CCND3: variants seen among roughly 807,000 people sequenced by gnomAD.
The protein encoded by CCND3 is G1/S-specific cyclin-D3.
A neutral mutation model predicts 28.7 loss-of-function variants in CCND3; 9 were observed. That is an observed-to-expected ratio of 0.31 (90% CI 0.19 to 0.55). The LOEUF (loss-of-function observed/expected upper bound fraction) is 0.55. Ranked by LOEUF, CCND3 falls within the 20% of genes least tolerant of loss-of-function variation. The probability of loss-of-function intolerance (pLI) is 0.93; values close to 1 mark genes in which losing one functional copy is unlikely to be tolerated. For synonymous variants in CCND3, 164 were observed against 163.9 expected (o/e 1.00, Z 0.00); for missense variants, 315 against 385.8 (o/e 0.82, Z 1.54).
intron 1 of CCND3, among the ~76,000 whole-genome samples, chr6:42,003,525 CAAAA>C (rs61494473): frequency 2.5e-4 from 18 of 73,446 alleles, no homozygotes; most frequent in East Asian, 7.9e-4. Flanking sequence ...GACTCTGTCT[CAAAA>C]AAAAAAAAAA....
chr6:42,006,005 A>T (rs12210079), intron 1 of CCND3, among the ~76,000 whole-genome samples: 43,253 of 150,092 alleles, frequency 0.29, 6,355 homozygotes, highest in African/African-American at 0.35. Context: ...CTACACAAAA[A>T]ATTTTTTTTT....
intron 1 of CCND3, among the ~76,000 whole-genome samples, chr6:42,040,684 T>C (rs193057236): frequency 7.2e-5 from 11 of 151,924 alleles, no homozygotes; most frequent in African/African-American, 2.7e-4. Context: ...AAACCCAGTC[T>C]CTACTGAAAA....
At chr6:41,964,280 ATGTG>A (rs34167767) in intron 1 of CCND3, among the ~76,000 whole-genome samples, 1 of 151,362 alleles carries the variant, frequency 6.6e-6, no homozygotes, top group Admixed American at 6.6e-5. Context: ...CAGCGTGTGT[ATGTG>A]TGTGTGTGTG....
chr6:41,941,644 C>G lies in CCND3; in HGVS notation c.6G>C (p.Glu2Asp). The change falls in exon 1 of 5, where the codon GAG becomes GAC. Residue 2 changes from glutamate (E) to aspartate (D), a missense_variant. Glu to Asp is a conservative substitution (Grantham distance 45). Coordinates refer to ENST00000372991, the MANE Select transcript of CCND3 (RefSeq NM_001760.5). The surrounding 1 kb of genome is among the most constrained non-coding windows in gnomAD (Gnocchi z 6.1). Reference sequence around the variant, plus strand: ...GCCGGGTGCCTTCGCAACACAGCAGCTCCATACTCGGGCAGCGAACAGGCA... The same window carrying G: ...GCCGGGTGCCTTCGCAACACAGCAGGTCCATACTCGGGCAGCGAACAGGCA... M[E>D]LLCCEGTRHA... The G allele has an allele frequency of 2.1e-6, 3 of 1,460,078 alleles. No homozygotes were observed. The highest frequency in any genetic ancestry group is 2.4e-4 in the Middle Eastern group (1 of 4,094). The allele number at this position is 1,460,078 out of a possible 1,614,324, so 90.4% of individuals were successfully genotyped here.
chr6:41,951,560 A>C (rs1776313490), intron 1 of CCND3, among the ~76,000 whole-genome samples: 1 of 83,076 alleles, frequency 1.2e-5, no homozygotes. Context: ...ACACACACAC[A>C]CACACACACA....
intron 1 of CCND3, among the ~76,000 whole-genome samples, chr6:42,004,355 AGAT>A (rs1763117919): frequency 6.6e-6 from 1 of 152,216 alleles, no homozygotes; most frequent in Non-Finnish European, 1.5e-5. Context: ...CAGACAAATT[AGAT>A]GATATTATAG....
At chr6:42,049,354 TAC>T (rs1348085860), upstream of CCND3, among the ~76,000 whole-genome samples, 1 of 152,162 alleles carries the variant, frequency 6.6e-6, no homozygotes. Context: ...TGACTCTTAC[TAC>T]ACGTCAGGCA....
Position 41,941,641 on chromosome 6 carries a change from C to T in CCND3, c.9G>A (p.Leu3=), listed in dbSNP as rs1284934912. The change falls in exon 1 of 5, where the codon CTG becomes CTA. Residue 3 remains leucine, a synonymous_variant. Transcript: ENST00000372991. This position sits in a 1 kb window ranked among gnomAD's most constrained non-coding sequence, Gnocchi z 6.1. ...CGTGCCGGGTGCCTTCGCAACACAGCAGCTCCATACTCGGGCAGCGAACAG... is the reference window on the plus strand; with the variant it reads ...CGTGCCGGGTGCCTTCGCAACACAGTAGCTCCATACTCGGGCAGCGAACAG... ME[L]LCCEGTRHAP... 6.8e-7 allele frequency: 1 copy of T among 1,466,640 alleles called. No individual in the cohort carries two copies. Among genetic ancestry groups the T allele is most frequent in the East Asian group, 2.8e-5 (1 of 35,938 alleles). 90.9% of individuals were successfully genotyped at this position (1,466,640 alleles called of 1,614,324 possible). A position where few individuals can be genotyped will look rare whatever the true frequency, so the allele number is the denominator to read the frequency against.
upstream of CCND3, among the ~76,000 whole-genome samples, chr6:41,944,995 CTCTTGTTTT>C (rs1246077009): frequency 6.6e-6 from 1 of 152,176 alleles, no homozygotes; most frequent in Non-Finnish European, 1.5e-5. Flanking sequence ...ATAGAGGCTC[CTCTTGTTTT>C]TCTTGTTTTT....
intron 1 of CCND3, among the ~76,000 whole-genome samples, chr6:41,962,131 A>G (rs1192192846): frequency 2.0e-5 from 3 of 150,080 alleles, no homozygotes; most frequent in Non-Finnish European, 4.4e-5. Context: ...TTGGAGTTTC[A>G]CTCTTGTCGC....
chr6:41,993,678 G>C lies in CCND3; in HGVS notation c.-45-53093C>G, dbSNP rs536071813. On this transcript the variant is annotated intron_variant, in intron 1 of 4. Transcript: ENST00000372988. ...GCCCACCTCGGCCTCCAAAAAAAAA[G>C]CTGGCTGGGTGCAGTGGTTCACTAT... 1.1e-3 allele frequency among the ~76,000 whole-genome samples: 169 copies of C among 151,810 alleles called. 2 individuals are homozygous for C. The highest frequency in any genetic ancestry group is 3.6e-3 in the African/African-American group (150 of 41,454).
At chr6:41,948,496 T>C (rs1176745339) in intron 1 of CCND3, among the ~76,000 whole-genome samples, 1 of 152,054 alleles carries the variant, frequency 6.6e-6, no homozygotes, top group Non-Finnish European at 1.5e-5. Flanking sequence ...CTACCACGTC[T>C]GGCTCAATAA....
chr6:41,952,340 G>A (rs1237436752), intron 1 of CCND3, among the ~76,000 whole-genome samples: 1 of 152,208 alleles, frequency 6.6e-6, no homozygotes, highest in African/African-American at 2.4e-5. Flanking sequence ...AAATGAGCAG[G>A]GAAGGGACAG....
chr6:41,996,644 T>G (rs1762815608), intron 1 of CCND3, among the ~76,000 whole-genome samples: 1 of 147,604 alleles, frequency 6.8e-6, no homozygotes, highest in Non-Finnish European at 1.5e-5. Context: ...TTTCCCTCAA[T>G]CCTTGAAGGT....
chr6:41,989,973 A>AG (rs1762603037), intron 1 of CCND3, among the ~76,000 whole-genome samples: 1 of 152,162 alleles, frequency 6.6e-6, no homozygotes, highest in Admixed American at 6.6e-5. Context: ...ATTAGGCAAG[A>AG]GAAAAAAAAT....
chr6:42,046,861 G>A (rs1465043900), intron 1 of CCND3, among the ~76,000 whole-genome samples: 1 of 152,158 alleles, frequency 6.6e-6, no homozygotes, highest in African/African-American at 2.4e-5. Context: ...TGTGGTCAGC[G>A]AAGGAGGCAG....
chr6:42,017,501 G>C (rs1383339338), intron 1 of CCND3, among the ~76,000 whole-genome samples: 6 of 152,132 alleles, frequency 3.9e-5, no homozygotes, highest in Non-Finnish European at 5.9e-5. Context: ...CTCCACAAAG[G>C]CTTCCTTGAC....
At chr6:42,000,234 CTTTTTTTTTTTTTTTT>C (rs70987562) in intron 1 of CCND3, among the ~76,000 whole-genome samples, 1 of 51,012 alleles carries the variant, frequency 2.0e-5, no homozygotes, top group Admixed American at 3.6e-4. Flanking sequence ...TGAAAACATA[CTTTTTTTTTTTTTTTT>C]TTTTTTTTTT....
upstream of CCND3, among the ~76,000 whole-genome samples, chr6:42,049,480 T>A (rs1295054391): frequency 6.6e-6 from 1 of 152,146 alleles, no homozygotes; most frequent in Non-Finnish European, 1.5e-5. Flanking sequence ...AGCTGGCTAG[T>A]GTTAGGATCC....
Sources: allele counts gnomAD v4.1 joint callset (sites outside exome capture counted in the v4.1 genomes callset), GRCh38; gene constraint gnomAD v4.1.1; non-coding constraint Gnocchi (gnomAD v3.1); transcripts MANE v1.5; gene names NCBI Gene and HGNC (gene_info 2026-07-23, HGNC 2026-07-21).